Variants in ZNF496 observed in about 807,000 individuals in gnomAD.
ZNF496 encodes NSD1 (nuclear receptor binding SET-domain containing 1)-interacting zinc finger protein 1.
ZNF496 carries 11 observed loss-of-function variants against 58.9 expected under a neutral mutation model. The observed-to-expected ratio is 0.19, with a 90% confidence interval of 0.12 to 0.31. The LOEUF (loss-of-function observed/expected upper bound fraction) is 0.31. Ranked by LOEUF, ZNF496 falls within the 10% of genes least tolerant of loss-of-function variation. The probability of loss-of-function intolerance (pLI) is 1.00; values close to 1 mark genes in which losing one functional copy is unlikely to be tolerated. For missense variants in ZNF496, 660 were observed against 783.0 expected (o/e 0.84, Z 1.88); for synonymous variants, 338 against 318.2 (o/e 1.06, Z -0.66).
chr1:247,306,865 A>G (rs1659432624), intron 9 of ZNF496, among the ~76,000 whole-genome samples: 2 of 152,290 alleles, frequency 1.3e-5, no homozygotes, highest in South Asian at 4.1e-4. Context: ...AAGTGACTTC[A>G]GCTCTCGGGT....
chr1:247,329,069 C>T lies in ZNF496; in HGVS notation c.390+120G>A. ...TTTCTTAGGAAACTCTAGTCTGGAC[C>T]TAACCAAAGTAAATGGCTCTCGATG... On this transcript the variant is annotated intron_variant, in intron 4 of 9. Coordinates refer to ENST00000682384, the MANE Select transcript of ZNF496 (RefSeq NM_032752.3). The surrounding 1 kb of genome is among the most constrained non-coding windows in gnomAD (Gnocchi z 5.5). 1 of 1,531,780 alleles carries T rather than the reference C, an allele frequency of 6.5e-7. No homozygotes were observed. Among genetic ancestry groups the T allele is most frequent in the South Asian group, 1.2e-5 (1 of 86,756 alleles). 94.9% of individuals were successfully genotyped at this position (1,531,780 alleles called of 1,614,324 possible). A position where few individuals can be genotyped will look rare whatever the true frequency, so the allele number is the denominator to read the frequency against.
chr1:247,329,351 G>A lies in ZNF496; in HGVS notation c.228C>T (p.His76=), dbSNP rs1660241951. The change falls in exon 4 of 10, where the codon CAC becomes CAT. Residue 76 remains histidine, a synonymous_variant. Transcript: ENST00000682384. This position sits in a 1 kb window ranked among gnomAD's most constrained non-coding sequence, Gnocchi z 5.5. ...LCGGWLRPER[H]TKEQILELLV... ...GCAGCTCCAGAATCTGCTCCTTGGT[G>A]TGCCTCTCAGGCCGCAGCCAGCCCC... The A allele has an allele frequency of 1.9e-6, 3 of 1,613,470 alleles. No homozygotes were observed. Among genetic ancestry groups the A allele is most frequent in the Admixed American group, 1.7e-5 (1 of 60,006 alleles).
At chr1:247,331,252 G>A (rs1572100428) in intron 2 of ZNF496, among the ~76,000 whole-genome samples, 180 bp downstream of exon 2, 1 of 152,372 alleles carries the variant, frequency 6.6e-6, no homozygotes, top group East Asian at 1.9e-4. Context: ...TGAGTGAGGC[G>A]GAGGAGGGCC....
rs1028913857 is a variant in ZNF496 at position 247,299,301 on chromosome 1, A to T, written c.*1218T>A. On this transcript the variant is annotated 3_prime_UTR_variant, in exon 10 of 10. Transcript: ENST00000682384. ...TAAACAAAGGGAGGTTTGGAGACAG[A>T]CACGCACACAGCAAGAGTGCCATGT... is the stretch of plus-strand genomic sequence containing the variant. The T allele has an allele frequency of 6.6e-6, 1 of 152,250 alleles. No individual in the cohort carries two copies. Among genetic ancestry groups the T allele is most frequent in the Admixed American group, 6.5e-5 (1 of 15,290 alleles). 9.4% of individuals were successfully genotyped at this position (152,250 alleles called of 1,614,324 possible).
intron 6 of ZNF496, among the ~76,000 whole-genome samples, chr1:247,314,786 G>A (rs1438377535): frequency 1.3e-5 from 2 of 151,904 alleles, no homozygotes; most frequent in Non-Finnish European, 1.5e-5. Flanking sequence ...TTGCTCTGTC[G>A]CCCAGGCTGA....
chr1:247,307,561 T>C (rs899461572), intron 9 of ZNF496: 2 of 985,262 alleles, frequency 2.0e-6, no homozygotes, highest in African/African-American at 3.5e-5. Flanking sequence ...GTGGGCTTCT[T>C]AGAAAACCAG....
At position 247,331,440 on chromosome 1, in the gene ZNF496, C is replaced by G. The variant is rs1459236852; in HGVS notation, c.-162G>C. ...GGCTCCGGGCTCCTCACCTCACAGC[C>G]TGGAGCTCCCTCCCGGCGTCCGGCC... On this transcript the variant is annotated 5_prime_UTR_variant, in exon 2 of 10. Coordinates refer to ENST00000682384, the MANE Select transcript of ZNF496 (RefSeq NM_032752.3). 6.6e-6 allele frequency: 1 copy of G among 152,264 alleles called. No individual in the cohort carries two copies. The highest frequency in any genetic ancestry group is 1.5e-5 in the Non-Finnish European group (1 of 68,116). The allele number at this position is 152,264 out of a possible 1,614,324, so 9.4% of individuals were successfully genotyped here.
At chr1:247,312,170 T>C (rs1229160869) in intron 6 of ZNF496, 5 of 152,214 alleles carry the variant, frequency 3.3e-5, no homozygotes, top group Non-Finnish European at 7.3e-5. Context: ...TTCTCTCTTT[T>C]CACATTTCAC....
At chr1:247,316,831 G>A (rs761876756) in intron 6 of ZNF496, among the ~76,000 whole-genome samples, 4 of 152,014 alleles carry the variant, frequency 2.6e-5, no homozygotes, top group Non-Finnish European at 5.9e-5. Flanking sequence ...AGAACCATAT[G>A]GACCAATGCT....
chr1:247,312,186 G>GCA (rs1403309767), intron 6 of ZNF496: 2 of 152,072 alleles, frequency 1.3e-5, no homozygotes, highest in Non-Finnish European at 2.9e-5. Context: ...TTCACAAGCT[G>GCA]CACCTTCAAA....
intron 5 of ZNF496, among the ~76,000 whole-genome samples, chr1:247,325,775 A>T (rs919614022): frequency 2.0e-5 from 3 of 152,084 alleles, no homozygotes; most frequent in African/African-American, 7.2e-5. Context: ...AACTATAGGC[A>T]TGAGCCACCA....
At chr1:247,306,837 G>A (rs1253685309) in intron 9 of ZNF496, among the ~76,000 whole-genome samples, 1 of 152,082 alleles carries the variant, frequency 6.6e-6, no homozygotes, top group African/African-American at 2.4e-5. Context: ...TACAGCTTGT[G>A]AGCACTGGAC....
intron 2 of ZNF496, among the ~76,000 whole-genome samples, chr1:247,330,588 T>G (rs1015518551): frequency 4.6e-5 from 7 of 152,172 alleles, no homozygotes; most frequent in Non-Finnish European, 1.0e-4. Flanking sequence ...ACAACTAGGG[T>G]GGCAAGAGAC....
chr1:247,307,667 C>A (rs779171188), intron 9 of ZNF496: 8 of 985,354 alleles, frequency 8.1e-6, no homozygotes, highest in Non-Finnish European at 9.6e-6. Flanking sequence ...GGGCCAAGTA[C>A]AAGATGCATG....
intron 6 of ZNF496, among the ~76,000 whole-genome samples, chr1:247,314,770 C>T (rs1659717683): frequency 1.3e-5 from 2 of 151,932 alleles, no homozygotes; most frequent in African/African-American, 4.8e-5. Flanking sequence ...TTTTTGAGAT[C>T]GGTTTTTGCT....
At chr1:247,314,250 T>A (rs1041352928) in intron 6 of ZNF496, among the ~76,000 whole-genome samples, 7 of 152,084 alleles carry the variant, frequency 4.6e-5, no homozygotes, top group African/African-American at 1.7e-4. Context: ...AAAGATGAGG[T>A]CTTGCTATGT....
intron 5 of ZNF496, among the ~76,000 whole-genome samples, chr1:247,328,019 A>T (rs1357246554): frequency 6.6e-6 from 1 of 152,256 alleles, no homozygotes; most frequent in Non-Finnish European, 1.5e-5. Flanking sequence ...CAAAAAAGGT[A>T]ATTACTATCT....
Position 247,300,441 on chromosome 1 carries a change from T to C in ZNF496, c.*78A>G. The C allele has an allele frequency of 6.8e-7, 1 of 1,469,674 alleles. No individual in the cohort carries two copies. The highest frequency in any genetic ancestry group is 9.1e-7 in the Non-Finnish European group (1 of 1,098,384). The allele number at this position is 1,469,674 out of a possible 1,614,324, so 91.0% of individuals were successfully genotyped here. A position where few individuals can be genotyped will look rare whatever the true frequency, so the allele number is the denominator to read the frequency against. ...TGCTCTCTATCCTGGGGAAGGTATG[T>C]CCTGGGTGGGGGCGCTGATCAGTAC... is the stretch of plus-strand genomic sequence containing the variant. On this transcript the variant is annotated 3_prime_UTR_variant, in exon 10 of 10. Coordinates refer to ENST00000682384, the MANE Select transcript of ZNF496 (RefSeq NM_032752.3). This position sits in a 1 kb window ranked among gnomAD's most constrained non-coding sequence, Gnocchi z 5.7.
At chr1:247,316,663 G>C (rs1454338273) in intron 6 of ZNF496, among the ~76,000 whole-genome samples, 1 of 152,088 alleles carries the variant, frequency 6.6e-6, no homozygotes, top group Non-Finnish European at 1.5e-5. Context: ...ATAAATTACA[G>C]TTTCAGGTAT....
Sources: gnomAD v4.1 joint callset for allele counts (sites outside exome capture counted in the v4.1 genomes callset) on GRCh38, gnomAD v4.1.1 for gene constraint, Gnocchi (gnomAD v3.1) non-coding constraint, MANE v1.5 for transcripts, NCBI Gene and HGNC (gene_info 2026-07-23, HGNC 2026-07-21) for gene names.